The following BOC variants were observed in gnomAD, a reference collection of about 807,000 sequenced individuals.
BOC encodes the protein brother of CDO.
BOC carries 76 observed loss-of-function variants against 112.0 expected under a neutral mutation model. That is an observed-to-expected ratio of 0.68 (90% CI 0.56 to 0.82). BOC has a LOEUF of 0.82. Ranked by LOEUF, BOC falls within the 40% of genes least tolerant of loss-of-function variation. BOC has a pLI of 0.00. For synonymous variants in BOC, 580 were observed against 599.8 expected (o/e 0.97, Z 0.48); for missense variants, 1,309 against 1,511.7 (o/e 0.87, Z 2.22).
chr3:113,219,571 A>G (rs570822781), intron 2 of BOC, among the ~76,000 whole-genome samples: 266 of 152,370 alleles, frequency 1.7e-3, no homozygotes, highest in Non-Finnish European at 3.2e-3. Context: ...CAAGTTTTTC[A>G]TGAAAAAGAA....
chr3:113,278,298 G>C lies in BOC; in HGVS notation c.1705+41G>C. 6.3e-7 allele frequency: 1 copy of C among 1,599,076 alleles called. No homozygotes were observed. On this transcript the variant is annotated intron_variant, in intron 10 of 19. Transcript: ENST00000682979. The surrounding 1 kb of genome is among the most constrained non-coding windows in gnomAD (Gnocchi z 4.2). ...TGCCCCTTGCTTAGGGTTTCCGTGG[G>C]TCTAAGCAAGTTCCACTGGCCCAGG...
At position 113,285,547 on chromosome 3, in the gene BOC, G is replaced by C. The variant is rs1438813492; in HGVS notation, c.3142G>C (p.Asp1048His). The change falls in exon 19 of 20, where the codon GAC becomes CAC. Residue 1048 changes from aspartate (D) to histidine (H), a missense_variant. Transcript: ENST00000682979. ...PDSPVLEAVW[D>H]PPFHSGPPCC... ...CAGTCCTGTCCTGGAAGCAGTGTGG[G>C]ACCCTCCATTTCACTCAGGTTGGTT... is the stretch of plus-strand genomic sequence containing the variant. 3.8e-6 allele frequency: 6 copies of C among 1,591,542 alleles called. No homozygotes were observed. Among genetic ancestry groups the C allele is most frequent in the South Asian group, 1.2e-5 (1 of 86,802 alleles).
rs1425815490 is a variant in BOC, at chr3:113,236,262, GTGTGTATA to G, written c.-81-13458_-81-13451del. ...TGTGTGTGTGTGTGTGTGTGTGTGTGTGTGTATATATACCCATGGGTATATATATATAT... is the reference window on the plus strand; with the variant it reads ...TGTGTGTGTGTGTGTGTGTGTGTGTGTATACCCATGGGTATATATATATAT... On this transcript the variant is annotated intron_variant, in intron 2 of 19. Transcript: ENST00000682979. Among the ~76,000 whole-genome samples the G allele has an allele frequency of 2.0e-3, 54 of 26,682 alleles. 4 individuals are homozygous for G. Among genetic ancestry groups the G allele is most frequent in the African/African-American group, 7.5e-3 (54 of 7,212 alleles). The allele number at this position is 26,682 out of a possible 152,430, so 17.5% of individuals were successfully genotyped here.
chr3:113,233,148 G>GGGGGGT (rs75678874), intron 2 of BOC, among the ~76,000 whole-genome samples: 33 of 123,960 alleles, frequency 2.7e-4, no homozygotes, highest in African/African-American at 8.6e-4. Flanking sequence ...AAAGGATTGG[G>GGGGGGT]GTGTGTGTGT....
chr3:113,229,316 G>C (rs1387567272), intron 2 of BOC, among the ~76,000 whole-genome samples: 2 of 152,222 alleles, frequency 1.3e-5, no homozygotes, highest in Non-Finnish European at 2.9e-5. Context: ...TGAGTCCCTG[G>C]AAGCTGCTGG....
chr3:113,245,457 T>G (rs1270966944), intron 2 of BOC, among the ~76,000 whole-genome samples: 1 of 152,174 alleles, frequency 6.6e-6, no homozygotes, highest in African/African-American at 2.4e-5. Context: ...TTAAATTCAC[T>G]TATTTCCCCA....
intron 4 of BOC, chr3:113,251,586 C>A (rs954068202): frequency 1.3e-5 from 2 of 152,020 alleles, no homozygotes; most frequent in African/African-American, 4.8e-5. Flanking sequence ...TGTCTGTAGA[C>A]ATTCTATTTG....
chr3:113,229,560 T>G, intron 2 of BOC, among the ~76,000 whole-genome samples: 1 of 152,224 alleles, frequency 6.6e-6, no homozygotes. Context: ...AGATGTTCTT[T>G]GCAATGGCGG....
chr3:113,272,251 C>G, intron 6 of BOC, 159 bp from the exon 7 acceptor site: 1 of 750,994 alleles, frequency 1.3e-6, no homozygotes, highest in Non-Finnish European at 2.2e-6. Context: ...ACACCAAGCC[C>G]CAAGGGAATT....
chr3:113,266,324 C>T (rs1026411349), intron 4 of BOC, among the ~76,000 whole-genome samples: 3 of 152,166 alleles, frequency 2.0e-5, no homozygotes, highest in Admixed American at 1.3e-4. Context: ...ATGGAATATC[C>T]ATCCTGTCAC....
chr3:113,279,822 A>G lies in BOC; in HGVS notation c.2024-2A>G. 1 of 1,601,976 alleles carries G rather than the reference A, an allele frequency of 6.2e-7. No individual in the cohort carries two copies. The highest frequency in any genetic ancestry group is 8.5e-7 in the Non-Finnish European group (1 of 1,173,258). ...GAGTTCAGTGAGTGTCCCTCTCACC[A>G]GGCACCTCCTACAAGTTTCGAGTCC... On this transcript the variant is annotated splice_acceptor_variant, in intron 12 of 19. Coordinates refer to ENST00000682979, the MANE Select transcript of BOC (RefSeq NM_001378074.1). LOFTEE classifies it high-confidence loss of function.
Position 113,250,664 on chromosome 3 carries a change from C to T in BOC, c.207C>T (p.Arg69=). Residue 69 remains arginine (R), a synonymous_variant, in exon 4 of 20, where the codon CGC becomes CGT. Transcript: ENST00000682979. ...VEPPRMNVTW[R]LNGKELNGSD... is the part of the protein sequence containing the mutation. ...CTCCAAGGATGAATGTAACCTGGCG[C>T]CTGAATGGAAAGGAGCTGAATGGCT... The T allele has an allele frequency of 6.2e-7, 1 of 1,614,182 alleles. No individual in the cohort carries two copies. Among genetic ancestry groups the T allele is most frequent in the Non-Finnish European group, 8.5e-7 (1 of 1,180,026 alleles).
Position 113,272,545 on chromosome 3 carries a change from G to A in BOC, c.803G>A (p.Gly268Glu), listed in dbSNP as rs1948230413. Reference sequence around the variant, plus strand: ...CCACGGGTCACCTGGGCCAAGGATGGGTCCAGTGTCACCGGCTACAACAAG... The same window carrying A: ...CCACGGGTCACCTGGGCCAAGGATGAGTCCAGTGTCACCGGCTACAACAAG... Reference protein sequence around the residue: ...PPPRVTWAKDGSSVTGYNKTR... With the variant: ...PPPRVTWAKDESSVTGYNKTR... The change falls in exon 7 of 20, where the codon GGG becomes GAG. Residue 268 changes from glycine to glutamate, a missense_variant. Coordinates refer to ENST00000682979, the MANE Select transcript of BOC (RefSeq NM_001378074.1). 6.2e-7 allele frequency: 1 copy of A among 1,614,002 alleles called. No homozygotes were observed. Among genetic ancestry groups the A allele is most frequent in the Non-Finnish European group, 8.5e-7 (1 of 1,179,968 alleles).
rs927967045 is a variant in BOC at position 113,211,682 on chromosome 3, C to A, written c.-504C>A. On this transcript the variant is annotated 5_prime_UTR_variant, in exon 1 of 20. Coordinates refer to ENST00000682979, the MANE Select transcript of BOC (RefSeq NM_001378074.1). ...TGCCGCGGGGACCCTGAGCCCCGGC[C>A]CGCCGGTGTCAGCCGCCGCGCGCGC... 1 of 152,034 alleles carries A rather than the reference C, an allele frequency of 6.6e-6. No homozygotes were observed. The highest frequency in any genetic ancestry group is 2.4e-5 in the African/African-American group (1 of 41,366). 9.4% of individuals were successfully genotyped at this position (152,034 alleles called of 1,614,324 possible).
At chr3:113,239,291 G>A (rs1943981801) in intron 2 of BOC, among the ~76,000 whole-genome samples, 1 of 152,184 alleles carries the variant, frequency 6.6e-6, no homozygotes, top group South Asian at 2.1e-4. Flanking sequence ...TCATGGCAGA[G>A]GTAGAGTCCA....
chr3:113,218,423 C>G (rs943630886), intron 2 of BOC, among the ~76,000 whole-genome samples: 6 of 152,204 alleles, frequency 3.9e-5, no homozygotes, highest in African/African-American at 1.4e-4. Flanking sequence ...AGAGGCTGCT[C>G]TGTCTTTCTG....
intron 4 of BOC, 122 bp downstream of exon 4, chr3:113,250,955 A>T (rs1945556755): frequency 1.6e-6 from 2 of 1,275,846 alleles, no homozygotes; most frequent in Non-Finnish European, 2.2e-6. Flanking sequence ...TTAACTGCAG[A>T]AATGTCAAAT....
chr3:113,268,136 C>T (rs1947706562), intron 4 of BOC, among the ~76,000 whole-genome samples, 163 bp from the exon 5 acceptor site: 1 of 152,130 alleles, frequency 6.6e-6, no homozygotes, highest in African/African-American at 2.4e-5. Flanking sequence ...CTTACAAACT[C>T]CTGTAGACAA....
intron 11 of BOC, 109 bp from the exon 12 acceptor site, chr3:113,279,140 C>T (rs1948944142): frequency 7.9e-6 from 9 of 1,141,024 alleles, no homozygotes; most frequent in Non-Finnish European, 1.1e-5. Flanking sequence ...AGGAGCGGGC[C>T]CGTCAGGAGC....
Sources: allele counts gnomAD v4.1 joint callset (sites outside exome capture counted in the v4.1 genomes callset), GRCh38; gene constraint gnomAD v4.1.1; non-coding constraint Gnocchi (gnomAD v3.1); transcripts MANE v1.5; gene names NCBI Gene and HGNC (gene_info 2026-07-23, HGNC 2026-07-21).